The following HERC4 variants were observed in gnomAD, a reference collection of about 807,000 sequenced individuals.
HERC4 encodes the protein probable E3 ubiquitin-protein ligase HERC4.
In HERC4, 28 loss-of-function variants were observed where a neutral mutation model predicts 124.3. That is an observed-to-expected ratio of 0.23 (90% CI 0.17 to 0.31). The LOEUF (loss-of-function observed/expected upper bound fraction) is 0.31, where lower values mean the gene tolerates loss of function less well. Among genes scored for constraint, HERC4 ranks in the 10% least tolerant of loss-of-function variants. HERC4 has a pLI of 1.00. For synonymous variants in HERC4, 407 were observed against 421.5 expected (o/e 0.97, Z 0.42); for missense variants, 713 against 1,229.3 (o/e 0.58, Z 6.28).
intron 8 of HERC4, among the ~76,000 whole-genome samples, chr10:68,022,047 A>G (rs2038656329): frequency 6.6e-6 from 1 of 152,236 alleles, no homozygotes; most frequent in Admixed American, 6.5e-5. Flanking sequence ...AACCTATCAT[A>G]AAGAATAAAA....
intron 16 of HERC4, chr10:67,961,146 T>A (rs2034490585): frequency 5.5e-6 from 1 of 180,570 alleles, no homozygotes; most frequent in African/African-American, 2.4e-5. Flanking sequence ...GCCATGGAAC[T>A]CATTTTGTCA....
chr10:68,044,497 G>A lies in HERC4; in HGVS notation c.293C>T (p.Ala98Val), dbSNP rs778371832. The A allele has an allele frequency of 4.3e-6, 7 of 1,613,928 alleles. No homozygotes were observed. In the South Asian group the frequency reaches 4.4e-5, roughly 10 times the overall value. Reference sequence around the variant, plus strand: ...ATACACCTGGCCTTTGTCATTTAGCGCTAACGTATGAGCTTCTCCACATGA... The same window carrying A: ...ATACACCTGGCCTTTGTCATTTAGCACTAACGTATGAGCTTCTCCACATGA... ...AVSCGEAHTL[A>V]LNDKGQVYAW... is the part of the protein sequence containing the mutation. The change falls in exon 4 of 25, where the codon GCG (alanine) becomes GTG (valine). Residue 98 changes from alanine (A) to valine (V), a missense_variant. By Grantham distance (64) the Ala-to-Val change is moderately conservative (BLOSUM62 0). Transcript: ENST00000373700.
chr10:67,960,790 T>C, intron 16 of HERC4: 1 of 244,684 alleles, frequency 4.1e-6, no homozygotes, highest in South Asian at 4.9e-5. Context: ...ACTACTACCT[T>C]CACCATGAAG....
intron 3 of HERC4, among the ~76,000 whole-genome samples, chr10:68,064,537 G>A (rs564993232): frequency 4.4e-5 from 6 of 137,740 alleles, no homozygotes; most frequent in African/African-American, 1.7e-4. Flanking sequence ...CTAGACAATA[G>A]GCAACAGAGT....
chr10:67,958,793 A>G (rs2034308181), intron 16 of HERC4, among the ~76,000 whole-genome samples: 1 of 152,204 alleles, frequency 6.6e-6, no homozygotes, highest in African/African-American at 2.4e-5. Flanking sequence ...ATTTTAAAAT[A>G]AAAGTTTGCT....
intron 16 of HERC4, among the ~76,000 whole-genome samples, chr10:67,959,415 C>T (rs2034356981): frequency 6.6e-6 from 1 of 151,760 alleles, no homozygotes; most frequent in Non-Finnish European, 1.5e-5. Flanking sequence ...CCCCCATTTG[C>T]AGAATTTAGG....
At chr10:68,013,967 G>C in intron 9 of HERC4, 59 bp downstream of exon 9, 1 of 1,361,006 alleles carries the variant, frequency 7.3e-7, no homozygotes, top group South Asian at 1.6e-5. Flanking sequence ...TGATTTAAGA[G>C]CAACATTTTA....
intron 23 of HERC4, among the ~76,000 whole-genome samples, chr10:67,928,283 A>T (rs2031376564): frequency 6.6e-6 from 1 of 152,106 alleles, no homozygotes; most frequent in Admixed American, 6.6e-5. Context: ...AGGTGATTAG[A>T]GGTGGAGTCC....
At chr10:68,021,398 G>A (rs2038617156) in intron 8 of HERC4, among the ~76,000 whole-genome samples, 1 of 152,196 alleles carries the variant, frequency 6.6e-6, no homozygotes, top group East Asian at 1.9e-4. Context: ...ACAATCATCT[G>A]AATTGATGCA....
intron 16 of HERC4, chr10:67,961,279 C>T (rs954243497): frequency 6.4e-6 from 1 of 156,562 alleles, no homozygotes; most frequent in African/African-American, 2.4e-5. Flanking sequence ...TTCAAATATA[C>T]ACAACACTTG....
chr10:67,941,669 CTTTTTTTTTTTT>C (rs755666986), intron 19 of HERC4, among the ~76,000 whole-genome samples: 5 of 91,758 alleles, frequency 5.4e-5, no homozygotes, highest in East Asian at 4.9e-4. Flanking sequence ...TAAAACACAA[CTTTTTTTTTTTT>C]TTTTTTTTTT....
intron 20 of HERC4, among the ~76,000 whole-genome samples, chr10:67,940,693 C>T (rs2032806044): frequency 6.6e-6 from 1 of 152,186 alleles, no homozygotes; most frequent in Non-Finnish European, 1.5e-5. Flanking sequence ...GATCCACCTG[C>T]CTCGGTCTCC....
intron 7 of HERC4, among the ~76,000 whole-genome samples, chr10:68,025,895 A>C (rs982327528): frequency 1.3e-5 from 2 of 152,204 alleles, no homozygotes; most frequent in African/African-American, 4.8e-5. Flanking sequence ...ATATTTAGAC[A>C]CTGAAGAGAT....
chr10:68,044,956 T>G (rs2039944551), intron 3 of HERC4, among the ~76,000 whole-genome samples: 1 of 152,218 alleles, frequency 6.6e-6, no homozygotes, highest in African/African-American at 2.4e-5. Context: ...CCTGGGCTGC[T>G]TGATTTTAAC....
chr10:67,937,857 T>C (rs1418666885), intron 21 of HERC4, among the ~76,000 whole-genome samples: 4 of 151,884 alleles, frequency 2.6e-5, no homozygotes, highest in African/African-American at 9.7e-5. Flanking sequence ...CATTTTTGTA[T>C]CTTTAGTAGA....
intron 23 of HERC4, among the ~76,000 whole-genome samples, chr10:67,927,420 ATATATATATATTTTT>A (rs1266100617): frequency 2.4e-4 from 2 of 8,232 alleles, no homozygotes; most frequent in African/African-American, 8.6e-4. Flanking sequence ...ATATATATAT[ATATATATATATTTTT>A]TTTTTTTTTT....
In HERC4 at chr10:67,966,806, C is replaced by A. The variant is rs879877598; in HGVS notation, c.1807-4G>T. The A allele has an allele frequency of 1.9e-6, 3 of 1,538,604 alleles. No individual in the cohort carries two copies. The highest frequency in any genetic ancestry group is 2.6e-6 in the Non-Finnish European group (3 of 1,142,476). ...TCTGTCCCATTTTCTCATTTACCTA[C>A]AAAAGAAAATGTAATTGACATTAAA... On this transcript the variant is annotated splice_region_variant and splice_polypyrimidine_tract_variant and intron_variant, in intron 15 of 24. Transcript: ENST00000373700.
chr10:68,059,571 T>A (rs1431996263), intron 3 of HERC4, among the ~76,000 whole-genome samples: 2 of 80,770 alleles, frequency 2.5e-5, no homozygotes, highest in African/African-American at 1.6e-4. Context: ...CATAATATTA[T>A]ATATCATATT....
chr10:68,003,568 G>A (rs2037366702), intron 9 of HERC4, among the ~76,000 whole-genome samples: 1 of 152,012 alleles, frequency 6.6e-6, no homozygotes, highest in African/African-American at 2.4e-5. Flanking sequence ...ATCTCTGTGA[G>A]TACAACTGTT....
Sources: gnomAD v4.1 joint callset for allele counts (sites outside exome capture counted in the v4.1 genomes callset) on GRCh38, gnomAD v4.1.1 for gene constraint, MANE v1.5 for transcripts, NCBI Gene and HGNC (gene_info 2026-07-23, HGNC 2026-07-21) for gene names.